Variants in PCOLCE2 observed in about 807,000 individuals in gnomAD.
PCOLCE2 encodes procollagen C-proteinase enhancer 2.
A neutral mutation model predicts 47.0 loss-of-function variants in PCOLCE2; 42 were observed. The observed-to-expected ratio is 0.89, with a 90% CI of 0.70 to 1.16. The LOEUF (loss-of-function observed/expected upper bound fraction) is 1.16. Among genes scored for constraint, PCOLCE2 ranks in the 50% most tolerant of loss-of-function variants. The probability of loss-of-function intolerance (pLI) is 0.00; values close to 1 mark genes in which losing one functional copy is unlikely to be tolerated. For missense variants in PCOLCE2, 500 were observed against 526.1 expected (o/e 0.95, Z 0.49); for synonymous variants, 169 against 191.7 (o/e 0.88, Z 0.98).
At chr3:142,864,234 C>T (rs1435646792) in intron 2 of PCOLCE2, 2 of 152,184 alleles carry the variant, frequency 1.3e-5, no homozygotes, top group East Asian at 3.8e-4. Context: ...TCACCAAGCA[C>T]CTTTTCCTCA....
At chr3:142,826,684 C>T (rs1328127724) in intron 6 of PCOLCE2, among the ~76,000 whole-genome samples, 17 of 152,154 alleles carry the variant, frequency 1.1e-4, no homozygotes, top group African/African-American at 3.6e-4. Context: ...ACACACTGTC[C>T]GGGTTCTGCT....
chr3:142,860,682 A>G (rs1301871553), intron 2 of PCOLCE2, among the ~76,000 whole-genome samples: 1 of 152,260 alleles, frequency 6.6e-6, no homozygotes, highest in African/African-American at 2.4e-5. Flanking sequence ...TGCTAGGATT[A>G]TAGGTGTGAG....
At chr3:142,847,834 G>C (rs12495709) in intron 3 of PCOLCE2, among the ~76,000 whole-genome samples, 94,750 of 152,126 alleles carry the variant, frequency 0.62, 29,874 homozygotes, top group Non-Finnish European at 0.66. Flanking sequence ...CCATGCCTGG[G>C]CTCCACTTTT....
Position 142,848,407 on chromosome 3 carries a change from G to A in PCOLCE2, c.258C>T (p.Cys86=). 2 of 1,613,252 alleles carry A rather than the reference G, an allele frequency of 1.2e-6. No homozygotes were observed. Among genetic ancestry groups the A allele is most frequent in the South Asian group, 2.2e-5 (2 of 91,072 alleles). Reference sequence around the variant, plus strand: ...TGTACACATCCACAAAGTCATAGCGGCACAGGTTGTCACTCTCGAGGTCTA... The same window carrying A: ...TGTACACATCCACAAAGTCATAGCGACACAGGTTGTCACTCTCGAGGTCTA... ...RFIDLESDNL[C]RYDFVDVYNG... The change falls in exon 3 of 9, where the codon TGC becomes TGT. Residue 86 remains cysteine (C), a synonymous_variant. Coordinates refer to ENST00000295992, the MANE Select transcript of PCOLCE2 (RefSeq NM_013363.4).
chr3:142,873,143 A>G (rs1933426779), intron 2 of PCOLCE2, among the ~76,000 whole-genome samples: 1 of 152,188 alleles, frequency 6.6e-6, no homozygotes, highest in Admixed American at 6.5e-5. Context: ...CTGTTATCCA[A>G]GCACTTTGGG....
Position 142,887,687 on chromosome 3 carries a change from TTTGCTA to T in PCOLCE2, c.168_173del (p.Asn56_Ser57del). 6.3e-7 allele frequency: 1 copy of T among 1,576,882 alleles called. No individual in the cohort carries two copies. Among genetic ancestry groups the T allele is most frequent in the Non-Finnish European group, 8.7e-7 (1 of 1,146,318 alleles). On this transcript the variant is annotated inframe_deletion, in exon 2 of 9. Transcript: ENST00000295992. ...TGCTTACTGTGATTTTCCAAGTACATTTGCTATTTGGAGGGTACACTCCAGGAAAAC... is the reference window on the plus strand; with the variant it reads ...TGCTTACTGTGATTTTCCAAGTACATTTTGGAGGGTACACTCCAGGAAAAC...
intron 2 of PCOLCE2, among the ~76,000 whole-genome samples, chr3:142,880,052 C>A (rs1340275358): frequency 1.7e-4 from 25 of 148,852 alleles, no homozygotes; most frequent in Non-Finnish European, 3.3e-4. Context: ...CCCACCCCCC[C>A]AAAAAAAACC....
At chr3:142,827,009 GTTCTTGATCA>G in intron 6 of PCOLCE2, 1 of 722,986 alleles carries the variant, frequency 1.4e-6, no homozygotes, top group Admixed American at 2.1e-5. Flanking sequence ...AGGTCATCTC[GTTCTTGATCA>G]TTGTTTCAAC....
At chr3:142,820,382 T>A (rs1488801126) in intron 8 of PCOLCE2, among the ~76,000 whole-genome samples, 2 of 152,218 alleles carry the variant, frequency 1.3e-5, no homozygotes, top group African/African-American at 4.8e-5. Flanking sequence ...TCTTAAAAAG[T>A]CATGTGCCTC....
At chr3:142,840,928 A>G (rs1377937723) in intron 4 of PCOLCE2, among the ~76,000 whole-genome samples, 1 of 152,198 alleles carries the variant, frequency 6.6e-6, no homozygotes, top group East Asian at 1.9e-4. Context: ...ACAAAAAATT[A>G]GCCAGGCATG....
chr3:142,861,818 T>C (rs1933187975), intron 2 of PCOLCE2, among the ~76,000 whole-genome samples: 1 of 152,232 alleles, frequency 6.6e-6, no homozygotes, highest in Non-Finnish European at 1.5e-5. Flanking sequence ...ACCAGTGTGA[T>C]GGGGACGAGC....
At chr3:142,843,435 T>C in intron 3 of PCOLCE2, 2 of 378,362 alleles carry the variant, frequency 5.3e-6, no homozygotes, top group South Asian at 4.2e-5. Context: ...GGACAAAATT[T>C]GAATTAGTTG....
chr3:142,826,589 C>A (rs1460084313), intron 6 of PCOLCE2, among the ~76,000 whole-genome samples: 1 of 151,962 alleles, frequency 6.6e-6, no homozygotes, highest in Non-Finnish European at 1.5e-5. Context: ...CTCTCAAAGC[C>A]TCTCCTTCTT....
intron 2 of PCOLCE2, among the ~76,000 whole-genome samples, chr3:142,858,712 T>C (rs1293658742): frequency 6.7e-6 from 1 of 148,180 alleles, no homozygotes; most frequent in Admixed American, 6.8e-5. Flanking sequence ...AGTCCATGTA[T>C]ACAGGATTTT....
At chr3:142,874,634 T>C (rs1303162225) in intron 2 of PCOLCE2, among the ~76,000 whole-genome samples, 1 of 152,256 alleles carries the variant, frequency 6.6e-6, no homozygotes, top group Non-Finnish European at 1.5e-5. Flanking sequence ...TTCGGAGATT[T>C]ATCATTTCTA....
intron 2 of PCOLCE2, among the ~76,000 whole-genome samples, chr3:142,853,531 A>G (rs1436846726): frequency 6.6e-6 from 1 of 152,220 alleles, no homozygotes; most frequent in African/African-American, 2.4e-5. Flanking sequence ...TATTTGTTAA[A>G]TGAATAATCC....
At position 142,860,565 on chromosome 3, in the gene PCOLCE2, C is replaced by T. The variant is rs6808914; in HGVS notation, c.193-12093G>A. Among the ~76,000 whole-genome samples the T allele has an allele frequency of 6.1e-3, 922 of 152,200 alleles. 9 individuals carry two copies. Among genetic ancestry groups the T allele is most frequent in the Middle Eastern group, 0.02 (6 of 294 alleles). ...CTGGGATTACAGGCGCCCACCACCACGCCCAGCTAATTTTGTACTTTTACT... is the reference window on the plus strand; with the variant it reads ...CTGGGATTACAGGCGCCCACCACCATGCCCAGCTAATTTTGTACTTTTACT... On this transcript the variant is annotated intron_variant, in intron 2 of 8. Coordinates refer to ENST00000295992, the MANE Select transcript of PCOLCE2 (RefSeq NM_013363.4).
At chr3:142,836,242 T>C (rs536728402) in intron 5 of PCOLCE2, among the ~76,000 whole-genome samples, 4 of 152,320 alleles carry the variant, frequency 2.6e-5, no homozygotes, top group South Asian at 2.1e-4. Context: ...CAGTTTTCCT[T>C]ACTATCTCCC....
At chr3:142,875,841 T>C (rs1933485959) in intron 2 of PCOLCE2, among the ~76,000 whole-genome samples, 1 of 151,976 alleles carries the variant, frequency 6.6e-6, no homozygotes, top group African/African-American at 2.4e-5. Flanking sequence ...CTCTCAAAAG[T>C]CAAAAACCAA....
Sources: allele counts gnomAD v4.1 joint callset (sites outside exome capture counted in the v4.1 genomes callset), GRCh38; gene constraint gnomAD v4.1.1; transcripts MANE v1.5; gene names NCBI Gene and HGNC (gene_info 2026-07-23, HGNC 2026-07-21).